The following RGS9 variants were observed in gnomAD, a reference collection of about 807,000 sequenced individuals.
The protein encoded by RGS9 is regulator of G protein signaling 9, also known as regulator of G-protein signalling 9.
Under a neutral mutation model 102.0 loss-of-function variants are expected in RGS9, and 78 were observed. The ratio of observed to expected loss-of-function variants is 0.76; its 90% CI spans 0.64 to 0.92. The LOEUF is 0.92. Among genes scored for constraint, RGS9 ranks in the 40% least tolerant of loss-of-function variants. The pLI is 0.00. For missense variants in RGS9, 833 were observed against 866.1 expected (o/e 0.96, Z 0.48); for synonymous variants, 353 against 318.6 (o/e 1.11, Z -1.15).
chr17:65,167,040 G>A (rs1490380367), intron 7 of RGS9, among the ~76,000 whole-genome samples: 3 of 152,130 alleles, frequency 2.0e-5, no homozygotes, highest in African/African-American at 4.8e-5. Context: ...ATTAACAAGT[G>A]TGAGCGCGGG....
chr17:65,143,793 C>CAA (rs61423689), intron 1 of RGS9, among the ~76,000 whole-genome samples: 387 of 97,034 alleles, frequency 4.0e-3, no homozygotes, highest in Middle Eastern at 0.025. Context: ...GACTCTGTCT[C>CAA]AAAAAAAAAA....
At chr17:65,182,545 G>A (rs1187574238) in intron 9 of RGS9, among the ~76,000 whole-genome samples, 1 of 152,238 alleles carries the variant, frequency 6.6e-6, no homozygotes, top group Admixed American at 6.5e-5. Context: ...CCTGCCTGAT[G>A]TTTTCTAATG....
chr17:65,210,654 C>T (rs767501967), intron 17 of RGS9, 49 bp downstream of exon 17: 2 of 1,609,620 alleles, frequency 1.2e-6, no homozygotes, highest in East Asian at 2.2e-5. Context: ...AGAGCTGCCT[C>T]CTAAATAAAT....
At chr17:65,169,393 G>A (rs1270251746) in intron 8 of RGS9, among the ~76,000 whole-genome samples, 2 of 152,174 alleles carry the variant, frequency 1.3e-5, no homozygotes, top group South Asian at 4.1e-4. Flanking sequence ...TGGGGGCCGG[G>A]TGACAGAGCA....
intron 1 of RGS9, among the ~76,000 whole-genome samples, chr17:65,152,548 A>G (rs1032068057): frequency 1.3e-5 from 2 of 152,160 alleles, no homozygotes; most frequent in Non-Finnish European, 2.9e-5. Flanking sequence ...TTTTTTAAAA[A>G]GAGACAGGGT....
chr17:65,197,987 C>T (rs1056815011), intron 13 of RGS9, among the ~76,000 whole-genome samples: 5 of 151,886 alleles, frequency 3.3e-5, no homozygotes, highest in African/African-American at 1.2e-4. Context: ...TTCTCTTTAG[C>T]TCAGTGGTTC....
At chr17:65,206,524 A>G (rs1913069956) in intron 15 of RGS9, among the ~76,000 whole-genome samples, 1 of 152,152 alleles carries the variant, frequency 6.6e-6, no homozygotes, top group African/African-American at 2.4e-5. Context: ...CCAAAAATAC[A>G]AAAATTAGCT....
intron 17 of RGS9, among the ~76,000 whole-genome samples, chr17:65,221,575 C>T (rs1178877029): frequency 6.6e-6 from 1 of 152,154 alleles, no homozygotes; most frequent in African/African-American, 2.4e-5. Context: ...ATAACAATGA[C>T]CACAAGCACC....
chr17:65,147,646 G>A (rs192631334), intron 1 of RGS9, among the ~76,000 whole-genome samples: 6 of 139,638 alleles, frequency 4.3e-5, no homozygotes, highest in African/African-American at 8.5e-5. Flanking sequence ...GCTGGAGTGC[G>A]GTGGCATGAT....
chr17:65,227,486 A>C lies in RGS9; in HGVS notation c.*79A>C, dbSNP rs534082301. Reference sequence around the variant, plus strand: ...TGCCATGGTATGGGCCACAGGACACACTTGCTCGAGAACCAAAGTGCATTT... The same window carrying C: ...TGCCATGGTATGGGCCACAGGACACCCTTGCTCGAGAACCAAAGTGCATTT... On this transcript the variant is annotated 3_prime_UTR_variant, in exon 19 of 19. Coordinates refer to ENST00000262406, the MANE Select transcript of RGS9 (RefSeq NM_003835.4). The C allele has an allele frequency of 1.3e-6, 2 of 1,542,142 alleles. No homozygotes were observed. Among genetic ancestry groups the C allele is most frequent in the African/African-American group, 1.4e-5 (1 of 73,108 alleles).
At chr17:65,182,140 TA>T (rs1228244409) in intron 9 of RGS9, among the ~76,000 whole-genome samples, 1 of 152,172 alleles carries the variant, frequency 6.6e-6, no homozygotes, top group African/African-American at 2.4e-5. Flanking sequence ...GATCTTTTGG[TA>T]AAAGGCAGAA....
chr17:65,182,324 G>A (rs899179421), intron 9 of RGS9, among the ~76,000 whole-genome samples: 3 of 152,210 alleles, frequency 2.0e-5, no homozygotes, highest in East Asian at 1.9e-4. Context: ...AGCTCCCTGC[G>A]TGCCAGGCAT....
At chr17:65,166,003 G>A (rs1911165586) in intron 7 of RGS9, among the ~76,000 whole-genome samples, 1 of 148,564 alleles carries the variant, frequency 6.7e-6, no homozygotes, top group African/African-American at 2.5e-5. Context: ...TGGAGCTGGG[G>A]GCCTGGAGCA....
intron 2 of RGS9, among the ~76,000 whole-genome samples, chr17:65,156,410 C>T (rs1196268428): frequency 5.3e-5 from 8 of 152,250 alleles, no homozygotes; most frequent in South Asian, 2.1e-4. Context: ...TGGATTTGGG[C>T]GAGGTCGCCC....
chr17:65,140,010 G>T (rs1179227372), intron 1 of RGS9, among the ~76,000 whole-genome samples: 1 of 152,230 alleles, frequency 6.6e-6, no homozygotes, highest in Non-Finnish European at 1.5e-5. Flanking sequence ...ATGTGATGAA[G>T]TACACGGTGT....
At position 65,190,157 on chromosome 17, in the gene RGS9, C is replaced by A. The variant is rs763682304; in HGVS notation, c.685-18C>A. ...TGGGAGGGGGTTGAATACCTTCTAA[C>A]AACTGTGTCTCTTCCAGATCATGTA... On this transcript the variant is annotated intron_variant, in intron 10 of 18. Transcript: ENST00000262406. The A allele has an allele frequency of 1.9e-6, 3 of 1,606,374 alleles. No individual in the cohort carries two copies. The highest frequency in any genetic ancestry group is 2.6e-6 in the Non-Finnish European group (3 of 1,172,948).
chr17:65,185,807 C>T (rs1048980164), intron 9 of RGS9, among the ~76,000 whole-genome samples: 1 of 152,094 alleles, frequency 6.6e-6, no homozygotes, highest in Admixed American at 6.5e-5. Flanking sequence ...AGATAATGGC[C>T]CTAGAAGCAA....
intron 12 of RGS9, among the ~76,000 whole-genome samples, chr17:65,196,551 C>A (rs546640092): frequency 6.6e-6 from 1 of 152,312 alleles, no homozygotes; most frequent in South Asian, 2.1e-4. Context: ...GCAGTGGGAC[C>A]TGCATCTTAG....
chr17:65,156,382 C>T (rs545967619), intron 2 of RGS9, among the ~76,000 whole-genome samples: 4 of 152,366 alleles, frequency 2.6e-5, no homozygotes, highest in African/African-American at 9.6e-5. Context: ...TCCCTGCACA[C>T]GGGGCACACT....
Sources: allele counts gnomAD v4.1 joint callset (sites outside exome capture counted in the v4.1 genomes callset), GRCh38; gene constraint gnomAD v4.1.1; transcripts MANE v1.5; gene names NCBI Gene and HGNC (gene_info 2026-07-23, HGNC 2026-07-21).